The following CSMD1 variants were observed in gnomAD, a reference collection of about 807,000 sequenced individuals.
CSMD1 encodes the protein CUB and Sushi multiple domains 1.
A neutral mutation model predicts 417.5 loss-of-function variants in CSMD1; 213 were observed. That is an observed-to-expected ratio of 0.51 (90% CI 0.46 to 0.57). The LOEUF (loss-of-function observed/expected upper bound fraction) is 0.57, where lower values mean the gene tolerates loss of function less well. CSMD1 is among the 20% of genes least tolerant of loss of function. The probability of loss-of-function intolerance (pLI) is 0.00; values close to 1 mark genes in which losing one functional copy is unlikely to be tolerated. For missense variants in CSMD1, 6,923 were observed against 4,529.7 expected, an observed-to-expected ratio of 1.53 and a Z score of -15.17; for synonymous variants, 2,862 against 1,736.8, an observed-to-expected ratio of 1.65 and a Z score of -16.11.
chr8:3,778,801 C>G (rs1196201831), intron 5 of CSMD1, among the ~76,000 whole-genome samples: 1 of 152,202 alleles, frequency 6.6e-6, no homozygotes, highest in Non-Finnish European at 1.5e-5. Context: ...ATGCTCCGAA[C>G]ACTTTTCTCC....
intron 2 of CSMD1, among the ~76,000 whole-genome samples, chr8:4,535,067 T>C (rs1797036838): frequency 6.6e-6 from 1 of 152,214 alleles, no homozygotes; most frequent in African/African-American, 2.4e-5. Context: ...GGCCAATTTA[T>C]TTCTTTATGT....
At chr8:3,477,754 A>G (rs1817514234) in intron 11 of CSMD1, among the ~76,000 whole-genome samples, 1 of 152,168 alleles carries the variant, frequency 6.6e-6, no homozygotes, top group African/African-American at 2.4e-5. Flanking sequence ...ATATCTTCAG[A>G]TACAGTATTG....
chr8:3,484,714 T>G (rs1026238002), intron 11 of CSMD1, among the ~76,000 whole-genome samples: 9 of 152,224 alleles, frequency 5.9e-5, no homozygotes, highest in Admixed American at 3.3e-4. Context: ...ATATCTTGAC[T>G]ACACAAAGAA....
At chr8:4,232,815 TA>T (rs1801823288) in intron 3 of CSMD1, among the ~76,000 whole-genome samples, 1 of 152,192 alleles carries the variant, frequency 6.6e-6, no homozygotes, top group Non-Finnish European at 1.5e-5. Flanking sequence ...CCTCGAAATC[TA>T]AAAGACAAAC....
At chr8:4,429,123 T>C (rs1797727112) in intron 2 of CSMD1, among the ~76,000 whole-genome samples, 1 of 151,656 alleles carries the variant, frequency 6.6e-6, no homozygotes, top group Non-Finnish European at 1.5e-5. Context: ...ATCAGTTTTT[T>C]TCTATGAAAA....
intron 16 of CSMD1, among the ~76,000 whole-genome samples, chr8:3,396,927 G>C (rs747942065): frequency 1.3e-5 from 2 of 151,860 alleles, no homozygotes; most frequent in Non-Finnish European, 2.9e-5. Context: ...ACTCTTTCAA[G>C]ACATTAGAAC....
At chr8:2,938,774 A>C in intron 69 of CSMD1, 30 bp from the exon 70 acceptor site, 1 of 1,571,960 alleles carries the variant, frequency 6.4e-7, no homozygotes, top group Non-Finnish European at 8.7e-7. Flanking sequence ...AATCATTAGA[A>C]TCCTGGTTTC....
intron 1 of CSMD1, among the ~76,000 whole-genome samples, chr8:4,728,551 A>G (rs920793928): frequency 1.2e-4 from 18 of 152,100 alleles, no homozygotes; most frequent in Non-Finnish European, 2.5e-4. Context: ...GCTTATTTGG[A>G]GCTCTTCATG....
intron 41 of CSMD1, among the ~76,000 whole-genome samples, chr8:3,137,352 A>G (rs1466482234): frequency 1.3e-5 from 2 of 152,240 alleles, no homozygotes; most frequent in Non-Finnish European, 2.9e-5. Flanking sequence ...GCTTCCGAAA[A>G]TGTATATGCA....
chr8:4,769,378 C>T (rs1301519647), intron 1 of CSMD1, among the ~76,000 whole-genome samples: 1 of 152,116 alleles, frequency 6.6e-6, no homozygotes, highest in Admixed American at 6.5e-5. Context: ...GGGAATTATG[C>T]ATGAGGAGCA....
intron 1 of CSMD1, among the ~76,000 whole-genome samples, chr8:4,845,792 G>A (rs1195035731): frequency 2.6e-5 from 4 of 152,146 alleles, no homozygotes; most frequent in African/African-American, 9.7e-5. Context: ...CACAAGGGCG[G>A]ATTTTACTAA....
At chr8:4,881,607 G>A (rs911876402) in intron 1 of CSMD1, among the ~76,000 whole-genome samples, 2 of 143,982 alleles carry the variant, frequency 1.4e-5, no homozygotes, top group African/African-American at 5.2e-5. Flanking sequence ...ATAAATTCAT[G>A]TTTAATTGAT....
intron 10 of CSMD1, among the ~76,000 whole-genome samples, chr8:3,503,370 T>C (rs1377026355): frequency 6.6e-6 from 1 of 152,246 alleles, no homozygotes; most frequent in Non-Finnish European, 1.5e-5. Flanking sequence ...ATATGACTAT[T>C]AGCCTATGCT....
intron 10 of CSMD1, among the ~76,000 whole-genome samples, chr8:3,508,517 G>GA (rs1161730695): frequency 6.7e-6 from 1 of 149,340 alleles, no homozygotes; most frequent in African/African-American, 2.5e-5. Flanking sequence ...AAAAAAAAAA[G>GA]AAAAAATAGA....
At chr8:4,143,662 C>G (rs1317377194) in intron 3 of CSMD1, among the ~76,000 whole-genome samples, 1 of 150,930 alleles carries the variant, frequency 6.6e-6, no homozygotes, top group Non-Finnish European at 1.5e-5. Context: ...TGTGAGTTCT[C>G]CAGGTTCTTG....
chr8:4,544,655 T>C (rs1797554167), intron 2 of CSMD1, among the ~76,000 whole-genome samples: 1 of 152,200 alleles, frequency 6.6e-6, no homozygotes, highest in African/African-American at 2.4e-5. Flanking sequence ...TAAGATGCAT[T>C]AACGTATTCC....
chr8:4,084,389 G>C (rs978785440), intron 3 of CSMD1, among the ~76,000 whole-genome samples: 1 of 151,134 alleles, frequency 6.6e-6, no homozygotes, highest in South Asian at 2.1e-4. Context: ...AACAATATGC[G>C]ATTTAAATTT....
intron 3 of CSMD1, among the ~76,000 whole-genome samples, chr8:4,272,241 T>G (rs376206395): frequency 1.3e-5 from 2 of 152,196 alleles, no homozygotes; most frequent in South Asian, 4.1e-4. Flanking sequence ...CTTTATGCCC[T>G]TAATAGGTTC....
intron 3 of CSMD1, among the ~76,000 whole-genome samples, chr8:4,276,935 T>C (rs374904612): frequency 4.6e-5 from 7 of 152,324 alleles, no homozygotes; most frequent in African/African-American, 1.7e-4. Context: ...CAAAGTAGCC[T>C]GTGTATGTTT....
Sources: allele counts gnomAD v4.1 joint callset (sites outside exome capture counted in the v4.1 genomes callset), GRCh38; gene constraint gnomAD v4.1.1; transcripts MANE v1.5; gene names NCBI Gene and HGNC (gene_info 2026-07-23, HGNC 2026-07-21).